NRXN3: variants seen among roughly 807,000 people sequenced by gnomAD.
NRXN3 encodes neurexin 3.
A neutral mutation model predicts 137.6 loss-of-function variants in NRXN3; 32 were observed. That is an observed-to-expected ratio of 0.23 (90% CI 0.18 to 0.31). The LOEUF is 0.31. NRXN3 is among the 10% of genes least tolerant of loss of function. NRXN3 has a pLI of 1.00. For synonymous variants in NRXN3, 798 were observed against 784.5 expected (o/e 1.02, Z -0.29); for missense variants, 1,574 against 2,062.5 (o/e 0.76, Z 4.59).
intron 15 of NRXN3, among the ~76,000 whole-genome samples, chr14:79,462,886 ATATG>A (rs67466211): frequency 0.024 from 545 of 23,154 alleles, 8 homozygotes; most frequent in African/African-American, 0.049. Flanking sequence ...GTACATACAC[ATATG>A]TATGTATATG....
chr14:79,608,968 C>T (rs77345617), intron 16 of NRXN3, among the ~76,000 whole-genome samples: 498 of 152,294 alleles, frequency 3.3e-3, no homozygotes, highest in Non-Finnish European at 5.8e-3. Context: ...ATCTTCCTCT[C>T]CTCTAGATCT....
intron 8 of NRXN3, among the ~76,000 whole-genome samples, chr14:78,802,540 A>G (rs1031076386): frequency 6.6e-6 from 1 of 152,158 alleles, no homozygotes; most frequent in Non-Finnish European, 1.5e-5. Flanking sequence ...TAATAATAAT[A>G]AAAAAAGTCT....
intron 8 of NRXN3, among the ~76,000 whole-genome samples, chr14:78,775,330 G>GA (rs1027950342): frequency 6.6e-6 from 1 of 152,098 alleles, no homozygotes; most frequent in African/African-American, 2.4e-5. Context: ...CCCATACTCA[G>GA]AAAAAAATTT....
chr14:78,747,922 C>T (rs2098619387), intron 8 of NRXN3, among the ~76,000 whole-genome samples: 1 of 152,138 alleles, frequency 6.6e-6, no homozygotes, highest in Non-Finnish European at 1.5e-5. Context: ...ATTTTGTAGT[C>T]ATTCACTCAT....
chr14:78,423,667 A>C (rs2093547584), intron 4 of NRXN3, among the ~76,000 whole-genome samples: 1 of 152,184 alleles, frequency 6.6e-6, no homozygotes, highest in Non-Finnish European at 1.5e-5. Context: ...TCTTAGTAAA[A>C]ACATTGATAA....
intron 8 of NRXN3, among the ~76,000 whole-genome samples, chr14:78,730,890 T>G (rs950844322): frequency 6.6e-6 from 1 of 152,236 alleles, no homozygotes; most frequent in Non-Finnish European, 1.5e-5. Context: ...TTGAGCTTTC[T>G]GCAGGCGGAG....
intron 4 of NRXN3, among the ~76,000 whole-genome samples, chr14:78,637,737 C>T (rs1026265986): frequency 3.3e-5 from 5 of 152,140 alleles, no homozygotes; most frequent in African/African-American, 9.7e-5. Context: ...GGCAGAGTGC[C>T]CTGTTAACAT....
chr14:78,764,816 A>G (rs2098703573), intron 8 of NRXN3, among the ~76,000 whole-genome samples: 1 of 152,104 alleles, frequency 6.6e-6, no homozygotes, highest in South Asian at 2.1e-4. Flanking sequence ...GTGCACCATT[A>G]GACCTTGCTC....
rs1393707609 is a variant in NRXN3 at position 78,651,332 on chromosome 14, G to A, written c.1221+6G>A. On this transcript the variant is annotated splice_donor_region_variant and intron_variant, in intron 6 of 20. Transcript: ENST00000335750. ...TCATGGGCTGCCTTAAAGAGGTAAA[G>A]TTCACCCAATTCTATTTAATGCACC... The A allele has an allele frequency of 6.2e-6, 10 of 1,613,474 alleles. No individual in the cohort carries two copies. Among genetic ancestry groups the A allele is most frequent in the Non-Finnish European group, 8.5e-6 (10 of 1,179,704 alleles).
chr14:79,676,030 C>T (rs1441640720), intron 17 of NRXN3, among the ~76,000 whole-genome samples: 1 of 152,090 alleles, frequency 6.6e-6, no homozygotes, highest in Non-Finnish European at 1.5e-5. Flanking sequence ...CTCCTACCCG[C>T]ACCCTGATTG....
At chr14:79,728,379 C>T (rs1460856584) in intron 19 of NRXN3, among the ~76,000 whole-genome samples, 1 of 152,166 alleles carries the variant, frequency 6.6e-6, no homozygotes, top group African/African-American at 2.4e-5. Context: ...CAGGGACAGT[C>T]CTTCCTGCTC....
At position 79,794,653 on chromosome 14, in the gene NRXN3, C is replaced by G. The variant is rs557009796; in HGVS notation, c.4015-10459C>G. 2.0e-5 allele frequency among the ~76,000 whole-genome samples: 3 copies of G among 152,238 alleles called. No homozygotes were observed. In the East Asian group the frequency reaches 5.8e-4, roughly 29 times the overall value. On this transcript the variant is annotated intron_variant, in intron 19 of 20. Transcript: ENST00000335750. ...TATACAGAGGACACGATATAGAATC[C>G]GGAGAGAGGAAAAGCAAAGGAGGCC...
chr14:78,388,367 T>A (rs1394864679), intron 4 of NRXN3, among the ~76,000 whole-genome samples: 1 of 152,210 alleles, frequency 6.6e-6, no homozygotes, highest in Non-Finnish European at 1.5e-5. Flanking sequence ...GAAACCAGTT[T>A]GTAACCAACA....
chr14:78,562,396 C>CAAAA (rs752464669), intron 4 of NRXN3, among the ~76,000 whole-genome samples: 11 of 49,454 alleles, frequency 2.2e-4, no homozygotes, highest in Middle Eastern at 0.01. Context: ...ACTTATATCT[C>CAAAA]AAAAAAAAAA....
At chr14:78,380,286 C>T (rs748489428) in intron 4 of NRXN3, among the ~76,000 whole-genome samples, 14 of 114,272 alleles carry the variant, frequency 1.2e-4, no homozygotes, top group East Asian at 9.9e-4. Context: ...CCGGCCTGGG[C>T]GACAGAGCGA....
intron 16 of NRXN3, among the ~76,000 whole-genome samples, chr14:79,527,967 G>A (rs567318471): frequency 6.6e-6 from 1 of 152,066 alleles, no homozygotes; most frequent in South Asian, 2.1e-4. Context: ...AGCAACCCAG[G>A]CAAGCATTTA....
chr14:78,369,109 A>G (rs1233748823), intron 4 of NRXN3, among the ~76,000 whole-genome samples: 4 of 152,074 alleles, frequency 2.6e-5, no homozygotes, highest in African/African-American at 9.7e-5. Flanking sequence ...AAATTTATCT[A>G]CCTGTGAAAT....
chr14:78,428,081 A>G (rs575373879), intron 4 of NRXN3, among the ~76,000 whole-genome samples: 1 of 152,346 alleles, frequency 6.6e-6, no homozygotes, highest in Admixed American at 6.5e-5. Flanking sequence ...ATAAGATAAT[A>G]TCTACTTTAC....
chr14:79,528,029 C>T (rs1218438211), intron 16 of NRXN3, among the ~76,000 whole-genome samples: 1 of 151,948 alleles, frequency 6.6e-6, no homozygotes, highest in African/African-American at 2.4e-5. Flanking sequence ...CTATAGTCTC[C>T]CTAGTAGGGG....
Sources: allele counts gnomAD v4.1 joint callset (sites outside exome capture counted in the v4.1 genomes callset), GRCh38; gene constraint gnomAD v4.1.1; transcripts MANE v1.5; gene names NCBI Gene and HGNC (gene_info 2026-07-23, HGNC 2026-07-21).